RASSF9: variants seen among roughly 807,000 people sequenced by gnomAD.
RASSF9 encodes the protein ras association domain-containing protein 9.
Under a neutral mutation model 21.4 loss-of-function variants are expected in RASSF9, and 18 were observed. The observed-to-expected ratio is 0.84, with a 90% confidence interval of 0.58 to 1.25. The LOEUF is 1.25. RASSF9 is among the 50% of genes most tolerant of loss of function. The pLI is 0.00. For synonymous variants in RASSF9, 183 were observed against 179.1 expected (o/e 1.02, Z -0.18); for missense variants, 480 against 503.2 (o/e 0.95, Z 0.44).
At chr12:85,821,673 GTGTT>G (rs969219317) in intron 1 of RASSF9, among the ~76,000 whole-genome samples, 3 of 152,084 alleles carry the variant, frequency 2.0e-5, no homozygotes, top group Admixed American at 6.6e-5. Context: ...GTGTGTGTGT[GTGTT>G]TATTTGTATT....
intron 1 of RASSF9, among the ~76,000 whole-genome samples, chr12:85,832,080 C>G (rs1324641415): frequency 6.6e-6 from 1 of 151,886 alleles, no homozygotes; most frequent in Admixed American, 6.6e-5. Flanking sequence ...ATTCATATAT[C>G]AGTACGTTTT....
chr12:85,812,165 T>C (rs1879967989), intron 1 of RASSF9, among the ~76,000 whole-genome samples: 1 of 151,780 alleles, frequency 6.6e-6, no homozygotes, highest in Non-Finnish European at 1.5e-5. Context: ...AAGATTTTGT[T>C]ACACTATTAT....
At chr12:85,825,294 G>A (rs1880307838) in intron 1 of RASSF9, among the ~76,000 whole-genome samples, 1 of 152,150 alleles carries the variant, frequency 6.6e-6, no homozygotes, top group Non-Finnish European at 1.5e-5. Flanking sequence ...TGCCAGTCAA[G>A]TCCTGGGCTA....
At chr12:85,816,967 C>G (rs553267418) in intron 1 of RASSF9, among the ~76,000 whole-genome samples, 7 of 152,002 alleles carry the variant, frequency 4.6e-5, no homozygotes, top group Non-Finnish European at 7.4e-5. Flanking sequence ...CTCAAAGATG[C>G]CAAGTTCGGA....
chr12:85,828,251 T>A (rs764110450), intron 1 of RASSF9, among the ~76,000 whole-genome samples: 3 of 152,110 alleles, frequency 2.0e-5, no homozygotes, highest in African/African-American at 7.2e-5. Flanking sequence ...GAACATCATG[T>A]ATATTTTTTT....
intron 1 of RASSF9, among the ~76,000 whole-genome samples, chr12:85,832,724 A>C (rs1880476911): frequency 6.6e-6 from 1 of 151,890 alleles, no homozygotes; most frequent in Admixed American, 6.6e-5. Flanking sequence ...ACTCTCAAAC[A>C]TTTGTATTCT....
At chr12:85,826,886 A>C (rs1880346389) in intron 1 of RASSF9, among the ~76,000 whole-genome samples, 1 of 152,222 alleles carries the variant, frequency 6.6e-6, no homozygotes, top group African/African-American at 2.4e-5. Flanking sequence ...AAAATAAAAT[A>C]ATCTGTTTGG....
chr12:85,809,214 T>C (rs116353114), intron 1 of RASSF9, among the ~76,000 whole-genome samples: 1,719 of 152,250 alleles, frequency 0.011, 41 homozygotes, highest in African/African-American at 0.04. Context: ...TTCTAACAAC[T>C]ACACTATAAA....
At position 85,802,031 on chromosome 12, in the gene RASSF9, T is replaced by C. The variant is rs1879716902; in HGVS notation, c.*2671A>G. On this transcript the variant is annotated 3_prime_UTR_variant, in exon 2 of 2. Coordinates refer to ENST00000361228, the MANE Select transcript of RASSF9 (RefSeq NM_005447.4). ...GTGGAAAGGGTAAGATTTCAGAGCA[T>C]TGCAGAAGGATAAAAAGGAGAATTC... The C allele has an allele frequency of 6.6e-6, 1 of 152,162 alleles. No individual in the cohort carries two copies. Among genetic ancestry groups the C allele is most frequent in the South Asian group, 2.1e-4 (1 of 4,830 alleles). The allele number at this position is 152,162 out of a possible 1,614,324, so 9.4% of individuals were successfully genotyped here.
intron 1 of RASSF9, among the ~76,000 whole-genome samples, chr12:85,835,342 G>A (rs55754162): frequency 0.063 from 9,516 of 152,056 alleles, 426 homozygotes; most frequent in Middle Eastern, 0.18. Context: ...GCATGAAAAC[G>A]TAACATTTGA....
At chr12:85,829,341 T>C (rs1167575814) in intron 1 of RASSF9, among the ~76,000 whole-genome samples, 1 of 152,126 alleles carries the variant, frequency 6.6e-6, no homozygotes, top group African/African-American at 2.4e-5. Context: ...GTTACTCAAT[T>C]TCAAGATCTG....
chr12:85,836,363 T>A lies in RASSF9; in HGVS notation c.-162A>T, dbSNP rs1478236011. ...ATTAGTAGCCGGCTGAGAAAGTTGC[T>A]GGAAGTTGTGCAACTGCTGCTTAAC... is the stretch of plus-strand genomic sequence containing the variant. On this transcript the variant is annotated 5_prime_UTR_variant, in exon 1 of 2. Transcript: ENST00000361228. The A allele has an allele frequency of 7.7e-6, 11 of 1,431,770 alleles. No homozygotes were observed. Among genetic ancestry groups the A allele is most frequent in the Non-Finnish European group, 9.3e-6 (10 of 1,077,438 alleles). The allele number at this position is 1,431,770 out of a possible 1,614,324, so 88.7% of individuals were successfully genotyped here. A position where few individuals can be genotyped will look rare whatever the true frequency, so the allele number is the denominator to read the frequency against.
intron 1 of RASSF9, among the ~76,000 whole-genome samples, chr12:85,809,590 T>C (rs541183729): frequency 6.6e-6 from 1 of 152,010 alleles, no homozygotes; most frequent in African/African-American, 2.4e-5. Context: ...GACATATAAA[T>C]TCTTCATCCC....
rs1242387504 is a variant in RASSF9 at position 85,801,055 on chromosome 12, A to G, written c.*3647T>C. ...TTTTACTTAAGAAGAAAAATGAAAT[A>G]GATATTTTGTTTAGGATATTTTAAA... On this transcript the variant is annotated 3_prime_UTR_variant, in exon 2 of 2. Coordinates refer to ENST00000361228, the MANE Select transcript of RASSF9 (RefSeq NM_005447.4). The G allele has an allele frequency of 6.6e-6, 1 of 152,038 alleles. No homozygotes were observed. The highest frequency in any genetic ancestry group is 2.4e-5 in the African/African-American group (1 of 41,450). 9.4% of individuals were successfully genotyped at this position (152,038 alleles called of 1,614,324 possible).
chr12:85,807,206 A>T (rs974524645), intron 1 of RASSF9, among the ~76,000 whole-genome samples: 1 of 152,190 alleles, frequency 6.6e-6, no homozygotes, highest in African/African-American at 2.4e-5. Context: ...AACAATGAGC[A>T]GAAGTATAAG....
intron 1 of RASSF9, among the ~76,000 whole-genome samples, chr12:85,830,970 A>T (rs1763652480): frequency 6.6e-6 from 1 of 152,114 alleles, no homozygotes; most frequent in African/African-American, 2.4e-5. Context: ...TAATTAAGCA[A>T]CCATACATTA....
intron 1 of RASSF9, among the ~76,000 whole-genome samples, chr12:85,810,844 A>G (rs959460155): frequency 6.6e-6 from 1 of 151,970 alleles, no homozygotes; most frequent in Non-Finnish European, 1.5e-5. Context: ...ACAACCTCTG[A>G]TTCTAATGCA....
chr12:85,826,613 A>C (rs551336803), intron 1 of RASSF9, among the ~76,000 whole-genome samples: 7,380 of 150,528 alleles, frequency 0.049, 378 homozygotes, highest in African/African-American at 0.13. Context: ...GTGCCTGGCT[A>C]ATTTTTTGTA....
At chr12:85,816,539 A>G (rs914149105) in intron 1 of RASSF9, among the ~76,000 whole-genome samples, 1 of 152,150 alleles carries the variant, frequency 6.6e-6, no homozygotes, top group African/African-American at 2.4e-5. Context: ...CACTTATAAT[A>G]ATATAATCCT....
Sources: gnomAD v4.1 joint callset for allele counts (sites outside exome capture counted in the v4.1 genomes callset) on GRCh38, gnomAD v4.1.1 for gene constraint, MANE v1.5 for transcripts, NCBI Gene and HGNC (gene_info 2026-07-23, HGNC 2026-07-21) for gene names.